The following CNTN6 variants were observed in gnomAD, a reference collection of about 807,000 sequenced individuals.
CNTN6 encodes contactin-6.
Under a neutral mutation model 122.8 loss-of-function variants are expected in CNTN6, and 137 were observed. The ratio of observed to expected loss-of-function variants is 1.12; its 90% confidence interval spans 0.97 to 1.29. CNTN6 has a LOEUF of 1.29. Ranked by LOEUF, CNTN6 falls within the 50% of genes most tolerant of loss-of-function variation. The pLI is 0.00. For synonymous variants in CNTN6, 570 were observed against 426.0 expected, an observed-to-expected ratio of 1.34 and a Z score of -4.16; for missense variants, 1,634 against 1,223.4, an observed-to-expected ratio of 1.34 and a Z score of -5.01.
intron 2 of CNTN6, among the ~76,000 whole-genome samples, chr3:1,215,241 C>T (rs1466701766): frequency 6.6e-6 from 1 of 152,212 alleles, no homozygotes; most frequent in African/African-American, 2.4e-5. Context: ...TTTACTGAGA[C>T]ATGTGTTTGA....
At chr3:1,270,574 A>G (rs1321823118) in intron 4 of CNTN6, among the ~76,000 whole-genome samples, 1 of 152,224 alleles carries the variant, frequency 6.6e-6, no homozygotes, top group Non-Finnish European at 1.5e-5. Context: ...CAACATGGGA[A>G]CCGCATCGTG....
At chr3:1,202,366 G>C (rs9818765) in intron 2 of CNTN6, among the ~76,000 whole-genome samples, 27,279 of 151,384 alleles carry the variant, frequency 0.18, 2,709 homozygotes, top group Non-Finnish European at 0.23. Context: ...CGGTGAAACC[G>C]CGTCTCTACT....
chr3:1,363,360 C>G (rs955740501), intron 12 of CNTN6, among the ~76,000 whole-genome samples: 19 of 152,052 alleles, frequency 1.2e-4, no homozygotes, highest in Admixed American at 1.1e-3. Flanking sequence ...CATTCTATCT[C>G]TAGACTTATT....
At chr3:1,351,632 T>C (rs1382207560) in intron 11 of CNTN6, among the ~76,000 whole-genome samples, 4 of 151,842 alleles carry the variant, frequency 2.6e-5, no homozygotes, top group Non-Finnish European at 2.9e-5. Context: ...ATATGGATTA[T>C]TTTATGAAAG....
Position 1,266,949 on chromosome 3 carries a change from C to CTTT in CNTN6, c.359-11442_359-11440dup, listed in dbSNP as rs1036704755. ...TGGGAAGCCAGTGGTCAGCCTGGCC[C>CTTT]TTTTTTTTTTTTTTTTTTTTTTTTG... is the stretch of plus-strand genomic sequence containing the variant. On this transcript the variant is annotated intron_variant, in intron 4 of 22. Transcript: ENST00000446702. Among the ~76,000 whole-genome samples, 482 of 90,378 alleles carry CTTT rather than the reference C, an allele frequency of 5.3e-3. 2 individuals carry two copies. The highest frequency in any genetic ancestry group is 6.5e-3 in the Non-Finnish European group (315 of 48,218). The allele number at this position is 90,378 out of a possible 152,430, so 59.3% of individuals were successfully genotyped here.
In CNTN6 at chr3:1,373,655, C is replaced by T. The variant is rs745875129; in HGVS notation, c.1838C>T (p.Thr613Ile). ...CAAGTGGAAGACATTTCCAGTACTACTTCTCAACTAAGTTGGAGAGCAGGC... is the reference window on the plus strand; with the variant it reads ...CAAGTGGAAGACATTTCCAGTACTATTTCTCAACTAAGTTGGAGAGCAGGC... ...DVQVEDISSTTSQLSWRAGPD... is the reference protein window; with the variant it reads ...DVQVEDISSTISQLSWRAGPD... Residue 613 changes from threonine to isoleucine, a missense_variant, in exon 15 of 23, where the codon ACT becomes ATT. Physicochemically the swap from Thr to Ile is moderately conservative, Grantham distance 89 (BLOSUM62 -1). Transcript: ENST00000446702. 9 of 1,612,922 alleles carry T rather than the reference C, an allele frequency of 5.6e-6. No individual in the cohort carries two copies. In the Admixed American group the frequency reaches 1.0e-4, roughly 18 times the overall value.
intron 20 of CNTN6, among the ~76,000 whole-genome samples, chr3:1,398,526 G>A (rs1276483846): frequency 2.0e-5 from 3 of 152,132 alleles, no homozygotes; most frequent in Non-Finnish European, 4.4e-5. Flanking sequence ...AAACTTCAGA[G>A]TTGGATTATT....
chr3:1,168,364 G>T (rs976502304), intron 2 of CNTN6, among the ~76,000 whole-genome samples: 5 of 148,634 alleles, frequency 3.4e-5, no homozygotes, highest in African/African-American at 1.3e-4. Flanking sequence ...GTTTGTTATT[G>T]AGCAGTGCAC....
chr3:1,148,209 TCAGA>T (rs1052842976), intron 2 of CNTN6, 146 bp downstream of exon 2: 17 of 586,914 alleles, frequency 2.9e-5, no homozygotes, highest in African/African-American at 1.5e-4. Context: ...CTTCTATGAC[TCAGA>T]CAGGGAAAGT....
At chr3:1,293,462 A>G (rs1443673514) in intron 5 of CNTN6, among the ~76,000 whole-genome samples, 1 of 152,104 alleles carries the variant, frequency 6.6e-6, no homozygotes, top group Non-Finnish European at 1.5e-5. Flanking sequence ...GGGAATTTAA[A>G]TTTAGTAAGG....
At chr3:1,403,276 C>G (rs767795781) in intron 22 of CNTN6, 42 bp from the exon 23 acceptor site, 3 of 1,357,418 alleles carry the variant, frequency 2.2e-6, no homozygotes, top group Admixed American at 3.5e-5. Flanking sequence ...ACAGGCAATA[C>G]TTTATCTCAA....
intron 1 of CNTN6, among the ~76,000 whole-genome samples, chr3:1,123,993 T>C (rs1574934436): frequency 1.3e-5 from 2 of 151,994 alleles, no homozygotes; most frequent in East Asian, 3.9e-4. Context: ...ATTCCTCTGA[T>C]TGTTTCCTTA....
intron 1 of CNTN6, among the ~76,000 whole-genome samples, chr3:1,145,224 G>C (rs1311650562): frequency 1.3e-5 from 2 of 152,144 alleles, no homozygotes; most frequent in African/African-American, 4.8e-5. Flanking sequence ...ACTTAATGGA[G>C]AGATTATACA....
intron 10 of CNTN6, among the ~76,000 whole-genome samples, chr3:1,328,928 A>T (rs1217183402): frequency 6.6e-6 from 1 of 151,622 alleles, no homozygotes; most frequent in Non-Finnish European, 1.5e-5. Flanking sequence ...GTGGGGAAAA[A>T]ACCGACATAG....
At chr3:1,217,051 A>T (rs972337946) in intron 2 of CNTN6, among the ~76,000 whole-genome samples, 1 of 152,208 alleles carries the variant, frequency 6.6e-6, no homozygotes, top group South Asian at 2.1e-4. Flanking sequence ...GACATATTTT[A>T]TAAACAATAT....
At chr3:1,242,028 T>C (rs1451402112) in intron 4 of CNTN6, among the ~76,000 whole-genome samples, 1 of 152,208 alleles carries the variant, frequency 6.6e-6, no homozygotes, top group Non-Finnish European at 1.5e-5. Context: ...GTTGTTGTTT[T>C]GTAGAAGGTG....
chr3:1,360,250 A>C (rs1042407536), intron 12 of CNTN6, among the ~76,000 whole-genome samples: 8 of 152,082 alleles, frequency 5.3e-5, no homozygotes, highest in Non-Finnish European at 4.4e-5. Flanking sequence ...GTTGATTTCT[A>C]ATCTGTTGTT....
intron 1 of CNTN6, among the ~76,000 whole-genome samples, chr3:1,101,438 C>T (rs2090890664): frequency 6.6e-6 from 1 of 152,120 alleles, no homozygotes; most frequent in South Asian, 2.1e-4. Context: ...GAAAAGAAAT[C>T]CCTCTTCACG....
At chr3:1,186,391 T>G (rs1030502442) in intron 2 of CNTN6, among the ~76,000 whole-genome samples, 1 of 152,054 alleles carries the variant, frequency 6.6e-6, no homozygotes, top group Non-Finnish European at 1.5e-5. Flanking sequence ...TAATTACTTA[T>G]GAGAGAAAAT....
Sources: gnomAD v4.1 joint callset for allele counts (sites outside exome capture counted in the v4.1 genomes callset) on GRCh38, gnomAD v4.1.1 for gene constraint, MANE v1.5 for transcripts, NCBI Gene and HGNC (gene_info 2026-07-23, HGNC 2026-07-21) for gene names.